The following NKAIN2 variants were observed in gnomAD, a reference collection of about 807,000 sequenced individuals.
NKAIN2 encodes sodium/potassium-transporting ATPase subunit beta-1-interacting protein 2.
In NKAIN2, 14 loss-of-function variants were observed where a neutral mutation model predicts 32.6. The observed-to-expected ratio is 0.43, with a 90% CI of 0.28 to 0.67. NKAIN2 has a LOEUF of 0.67. Ranked by LOEUF, NKAIN2 falls within the 30% of genes least tolerant of loss-of-function variation. NKAIN2 has a pLI of 0.17. For missense variants in NKAIN2, 198 were observed against 258.3 expected (o/e 0.77, Z 1.60); for synonymous variants, 80 against 87.2 (o/e 0.92, Z 0.46).
intron 1 of NKAIN2, among the ~76,000 whole-genome samples, chr6:123,876,739 G>A (rs1773189053): frequency 6.6e-6 from 1 of 152,138 alleles, no homozygotes; most frequent in African/African-American, 2.4e-5. Context: ...TCCAGGGATT[G>A]GATGCTGCCC....
Position 124,759,635 on chromosome 6 carries a change from ACACACACACACACACACACACC to A in NKAIN2, c.475-31702_475-31681del, listed in dbSNP as rs1282166068. ...CACACACACACACACACACACACAC[ACACACACACACACACACACACC>A]CCCTATCTCCCTTTCCTGCCTTATT... On this transcript the variant is annotated intron_variant, in intron 4 of 6. Transcript: ENST00000368417. 4.3e-3 allele frequency among the ~76,000 whole-genome samples: 468 copies of A among 107,942 alleles called. 14 individuals are homozygous for A. Among genetic ancestry groups the A allele is most frequent in the Middle Eastern group, 9.9e-3 (2 of 202 alleles). The allele number at this position is 107,942 out of a possible 152,430, so 70.8% of individuals were successfully genotyped here.
At chr6:124,067,993 A>C (rs1783272433) in intron 1 of NKAIN2, among the ~76,000 whole-genome samples, 1 of 152,176 alleles carries the variant, frequency 6.6e-6, no homozygotes, top group African/African-American at 2.4e-5. Flanking sequence ...CATCACATCT[A>C]CTAACTCATG....
chr6:124,101,250 T>A (rs1284781782), intron 1 of NKAIN2, among the ~76,000 whole-genome samples: 1 of 151,746 alleles, frequency 6.6e-6, no homozygotes, highest in East Asian at 1.9e-4. Flanking sequence ...GAAAAAAAAA[T>A]GATTATTATC....
At chr6:123,888,348 T>G (rs2114361232) in intron 1 of NKAIN2, among the ~76,000 whole-genome samples, 1 of 152,240 alleles carries the variant, frequency 6.6e-6, no homozygotes, top group East Asian at 1.9e-4. Flanking sequence ...TTCCTATTGC[T>G]TAGAATGCTT....
At chr6:123,861,246 G>A (rs1775775834) in intron 1 of NKAIN2, among the ~76,000 whole-genome samples, 1 of 152,196 alleles carries the variant, frequency 6.6e-6, no homozygotes, top group Admixed American at 6.5e-5. Context: ...AATGTAAATT[G>A]AAGCCAGAAA....
intron 1 of NKAIN2, among the ~76,000 whole-genome samples, chr6:124,055,076 C>A (rs1006711074): frequency 6.6e-6 from 1 of 151,884 alleles, no homozygotes; most frequent in South Asian, 2.1e-4. Flanking sequence ...TACTATATCA[C>A]CTAGATTGTC....
intron 1 of NKAIN2, among the ~76,000 whole-genome samples, chr6:123,891,599 T>G (rs1774022334): frequency 6.6e-6 from 1 of 152,166 alleles, no homozygotes; most frequent in Non-Finnish European, 1.5e-5. Flanking sequence ...GGAAACATGG[T>G]CTCTTTAGCT....
At chr6:124,499,571 G>A (rs546902115) in intron 3 of NKAIN2, among the ~76,000 whole-genome samples, 1 of 152,092 alleles carries the variant, frequency 6.6e-6, no homozygotes, top group East Asian at 1.9e-4. Flanking sequence ...TTGTATGGTA[G>A]GTGAAGGGTA....
At chr6:124,148,512 T>C (rs1787539310) in intron 1 of NKAIN2, among the ~76,000 whole-genome samples, 1 of 152,188 alleles carries the variant, frequency 6.6e-6, no homozygotes, top group Non-Finnish European at 1.5e-5. Flanking sequence ...AAGTGGTCTT[T>C]AGTTTTTGTT....
At chr6:124,718,949 A>AG (rs1348859096) in intron 4 of NKAIN2, among the ~76,000 whole-genome samples, 2 of 152,250 alleles carry the variant, frequency 1.3e-5, no homozygotes, top group African/African-American at 2.4e-5. Context: ...TTGTTAATAG[A>AG]GAAAAAATTC....
At chr6:124,074,527 G>A (rs912673799) in intron 1 of NKAIN2, among the ~76,000 whole-genome samples, 1 of 152,074 alleles carries the variant, frequency 6.6e-6, no homozygotes, top group Non-Finnish European at 1.5e-5. Context: ...CATTACTAGG[G>A]GTCCTCCCAG....
chr6:124,315,712 G>A (rs1429590795), intron 2 of NKAIN2, among the ~76,000 whole-genome samples: 7 of 152,098 alleles, frequency 4.6e-5, no homozygotes, highest in African/African-American at 1.2e-4. Flanking sequence ...ATATTATCCT[G>A]CTAGGTGTCC....
At chr6:123,970,414 C>T (rs954841434) in intron 1 of NKAIN2, among the ~76,000 whole-genome samples, 26 of 152,000 alleles carry the variant, frequency 1.7e-4, no homozygotes, top group Admixed American at 8.5e-4. Flanking sequence ...CTAATTGCCA[C>T]GAAAGCCTAA....
intron 1 of NKAIN2, among the ~76,000 whole-genome samples, chr6:123,922,185 G>A (rs970414465): frequency 6.6e-6 from 1 of 152,128 alleles, no homozygotes; most frequent in African/African-American, 2.4e-5. Flanking sequence ...TTGGTTGATA[G>A]GCAACTTATT....
chr6:124,601,571 A>G (rs1782308742), intron 3 of NKAIN2, among the ~76,000 whole-genome samples: 1 of 152,046 alleles, frequency 6.6e-6, no homozygotes, highest in South Asian at 2.1e-4. Context: ...AGAGGAGGCC[A>G]TTGTGATATG....
At chr6:124,032,278 G>T (rs1781439267) in intron 1 of NKAIN2, among the ~76,000 whole-genome samples, 1 of 115,860 alleles carries the variant, frequency 8.6e-6, no homozygotes, top group Admixed American at 1.0e-4. Flanking sequence ...GGGGGAGGGG[G>T]GAGGGATAGC....
intron 1 of NKAIN2, among the ~76,000 whole-genome samples, chr6:124,212,151 T>C (rs1398956400): frequency 1.3e-5 from 2 of 152,144 alleles, no homozygotes; most frequent in African/African-American, 4.8e-5. Flanking sequence ...TACAGTTCTC[T>C]AGTGACATTT....
intron 3 of NKAIN2, among the ~76,000 whole-genome samples, chr6:124,639,128 G>A (rs997878321): frequency 1.3e-5 from 2 of 152,078 alleles, no homozygotes; most frequent in African/African-American, 4.8e-5. Flanking sequence ...TACACCATTG[G>A]TGGGAAGTAA....
chr6:124,147,586 T>C (rs2114370849), intron 1 of NKAIN2, among the ~76,000 whole-genome samples: 1 of 152,238 alleles, frequency 6.6e-6, no homozygotes, highest in Non-Finnish European at 1.5e-5. Context: ...TGTTTTGCAA[T>C]TTAATTAGGT....
Sources: allele counts gnomAD v4.1 joint callset (sites outside exome capture counted in the v4.1 genomes callset), GRCh38; gene constraint gnomAD v4.1.1; transcripts MANE v1.5; gene names NCBI Gene and HGNC (gene_info 2026-07-23, HGNC 2026-07-21).